The following PCDH7 variants were observed in gnomAD, a reference collection of about 807,000 sequenced individuals.
PCDH7 encodes protocadherin-7.
Under a neutral mutation model 58.9 loss-of-function variants are expected in PCDH7, and 17 were observed. The ratio of observed to expected loss-of-function variants is 0.29; its 90% CI spans 0.20 to 0.43. The LOEUF (loss-of-function observed/expected upper bound fraction) is 0.43. Among genes scored for constraint, PCDH7 ranks in the 20% least tolerant of loss-of-function variants. PCDH7 has a pLI of 1.00. For missense variants in PCDH7, 1,274 were observed against 1,441.0 expected (o/e 0.88, Z 1.88); for synonymous variants, 664 against 616.4 (o/e 1.08, Z -1.14).
At chr4:31,125,691 G>T (rs939345195) in intron 3 of PCDH7, among the ~76,000 whole-genome samples, 1 of 152,212 alleles carries the variant, frequency 6.6e-6, no homozygotes, top group African/African-American at 2.4e-5. Flanking sequence ...TCATCCAGAG[G>T]ATCTCAAGGG....
chr4:30,997,088 T>C (rs1232671908), intron 3 of PCDH7, among the ~76,000 whole-genome samples: 3 of 152,094 alleles, frequency 2.0e-5, no homozygotes, highest in African/African-American at 4.8e-5. Flanking sequence ...TTTCTTTTTT[T>C]TTTTTGTTTT....
At chr4:31,084,407 GA>G (rs1186571700) in intron 3 of PCDH7, among the ~76,000 whole-genome samples, 1 of 151,988 alleles carries the variant, frequency 6.6e-6, no homozygotes, top group Non-Finnish European at 1.5e-5. Context: ...CTTTATTATA[GA>G]AAAGTTAAAA....
intron 3 of PCDH7, among the ~76,000 whole-genome samples, chr4:30,995,404 C>T (rs1337746366): frequency 4.6e-5 from 7 of 151,872 alleles, no homozygotes; most frequent in Non-Finnish European, 1.0e-4. Context: ...CCCAGCTACT[C>T]GGGAGGCTCA....
At chr4:30,980,187 C>T (rs1195522374) in intron 3 of PCDH7, among the ~76,000 whole-genome samples, 1 of 152,144 alleles carries the variant, frequency 6.6e-6, no homozygotes, top group East Asian at 1.9e-4. Context: ...CAAATCTCAT[C>T]ATAAAACAAT....
At position 30,847,149 on chromosome 4, in the gene PCDH7, AG is replaced by A. The variant is rs200794902; in HGVS notation, c.71-73003del. 5.3e-3 allele frequency among the ~76,000 whole-genome samples: 811 copies of A among 152,136 alleles called. 8 individuals carry two copies. Among genetic ancestry groups the A allele is most frequent in the African/African-American group, 0.017 (715 of 41,512 alleles). On this transcript the variant is annotated intron_variant, in intron 1 of 3. Coordinates refer to the PCDH7 transcript ENST00000509759. Reference sequence around the variant, plus strand: ...AAATAAATAAATAAGTAAAAAAAAAAGAATGCATTTTTTTAAAAAAGGTTTT... The same window carrying A: ...AAATAAATAAATAAGTAAAAAAAAAAAATGCATTTTTTTAAAAAAGGTTTT...
At chr4:30,847,479 A>G (rs1254288801) in intron 1 of PCDH7, among the ~76,000 whole-genome samples, 1 of 152,316 alleles carries the variant, frequency 6.6e-6, no homozygotes, top group East Asian at 1.9e-4. Flanking sequence ...ACATGCATTA[A>G]TGTCTGACTT....
chr4:30,745,026 C>T (rs1003434518), intron 1 of PCDH7, among the ~76,000 whole-genome samples: 8 of 152,176 alleles, frequency 5.3e-5, no homozygotes, highest in African/African-American at 1.9e-4. Context: ...GGAACTTTTG[C>T]CATCATCGAG....
At chr4:31,142,039 T>C (rs1477349101) in intron 3 of PCDH7, among the ~76,000 whole-genome samples, 3 of 152,190 alleles carry the variant, frequency 2.0e-5, no homozygotes, top group Non-Finnish European at 2.9e-5. Context: ...AGAAATCCAA[T>C]TGGCAAAAGC....
At chr4:31,082,075 C>T (rs1711557215) in intron 3 of PCDH7, among the ~76,000 whole-genome samples, 1 of 152,188 alleles carries the variant, frequency 6.6e-6, no homozygotes, top group Non-Finnish European at 1.5e-5. Context: ...CGTGAGTCAC[C>T]ATGCCTGGCC....
At chr4:31,095,582 G>A (rs1242549806) in intron 3 of PCDH7, among the ~76,000 whole-genome samples, 2 of 152,052 alleles carry the variant, frequency 1.3e-5, no homozygotes, top group Non-Finnish European at 2.9e-5. Context: ...AATAATTTCA[G>A]TATAGATATT....
At chr4:30,883,346 G>C (rs2109373292) in intron 1 of PCDH7, among the ~76,000 whole-genome samples, 1 of 152,248 alleles carries the variant, frequency 6.6e-6, no homozygotes, top group South Asian at 2.1e-4. Context: ...AGAATAGAAA[G>C]CTGCACACTG....
In PCDH7 at chr4:30,723,288, C is replaced by A; in HGVS notation, c.1866C>A (p.Ser622Arg). ...AAGGCATCCCCGTGCTGCAGGGCAG[C>A]ACTACGGTGATTGTGCAGGTGGCTG... Residue 622 changes from serine (S) to arginine (R), a missense_variant, in exon 1 of 2, where the codon AGC becomes AGA. By Grantham distance (110) the Ser-to-Arg change is moderately radical. Coordinates refer to ENST00000361762, the Ensembl canonical transcript of PCDH7. The surrounding 1 kb of genome is among the most constrained non-coding windows in gnomAD (Gnocchi z 4.6). The A allele has an allele frequency of 1.2e-6, 2 of 1,614,202 alleles. No individual in the cohort carries two copies. The highest frequency in any genetic ancestry group is 1.7e-6 in the Non-Finnish European group (2 of 1,180,046).
At chr4:30,727,138 G>T (rs1029125781) in intron 1 of PCDH7, among the ~76,000 whole-genome samples, 2 of 151,220 alleles carry the variant, frequency 1.3e-5, no homozygotes, top group Non-Finnish European at 3.0e-5. Flanking sequence ...CATACAGCAG[G>T]GTCTAATTTA....
At chr4:30,791,010 A>C (rs1724058477) in intron 1 of PCDH7, among the ~76,000 whole-genome samples, 1 of 152,228 alleles carries the variant, frequency 6.6e-6, no homozygotes, top group Non-Finnish European at 1.5e-5. Flanking sequence ...TTCTTTTCCA[A>C]TTTACCTGCT....
chr4:31,086,165 G>T (rs192640995), intron 3 of PCDH7, among the ~76,000 whole-genome samples: 1 of 152,084 alleles, frequency 6.6e-6, no homozygotes, highest in African/African-American at 2.4e-5. Flanking sequence ...AATAAGATTT[G>T]AGTTCCTCCT....
At chr4:30,747,214 A>G (rs768224922) in intron 1 of PCDH7, among the ~76,000 whole-genome samples, 13 of 152,308 alleles carry the variant, frequency 8.5e-5, no homozygotes, top group Non-Finnish European at 1.5e-4. Context: ...GCATGTTTGT[A>G]CTAGACAACC....
chr4:30,759,694 T>C (rs902241529), intron 1 of PCDH7, among the ~76,000 whole-genome samples: 1 of 152,136 alleles, frequency 6.6e-6, no homozygotes, highest in African/African-American at 2.4e-5. Context: ...ACAGCATATA[T>C]ATACACATAC....
chr4:30,898,670 A>G (rs1437260724), intron 1 of PCDH7, among the ~76,000 whole-genome samples: 1 of 152,174 alleles, frequency 6.6e-6, no homozygotes, highest in Non-Finnish European at 1.5e-5. Context: ...AGCTCACTGC[A>G]AGCTCCACCT....
intron 1 of PCDH7, among the ~76,000 whole-genome samples, chr4:30,840,325 A>T (rs145573958): frequency 6.6e-6 from 1 of 151,690 alleles, no homozygotes; most frequent in African/African-American, 2.4e-5. Context: ...TCTCATTTGG[A>T]CTTGGCAGGA....
Sources: gnomAD v4.1 joint callset for allele counts (sites outside exome capture counted in the v4.1 genomes callset) on GRCh38, gnomAD v4.1.1 for gene constraint, Gnocchi (gnomAD v3.1) non-coding constraint, MANE v1.5 for transcripts, NCBI Gene and HGNC (gene_info 2026-07-23, HGNC 2026-07-21) for gene names.